Variants in LRRC7 observed in about 807,000 individuals in gnomAD.
LRRC7 encodes the protein leucine-rich repeat-containing protein 7.
LRRC7 carries 23 observed loss-of-function variants against 175.7 expected under a neutral mutation model. That is an observed-to-expected ratio of 0.13 (90% CI 0.09 to 0.19). The LOEUF is 0.19. Among genes scored for constraint, LRRC7 ranks in the 10% least tolerant of loss-of-function variants. The pLI, the probability that LRRC7 is intolerant of heterozygous loss-of-function variation, is 1.00. For missense variants in LRRC7, 1,354 were observed against 1,904.7 expected, an observed-to-expected ratio of 0.71 and a Z score of 5.38; for synonymous variants, 685 against 680.9, an observed-to-expected ratio of 1.01 and a Z score of -0.09.
chr1:69,678,315 A>G (rs1660048288), intron 1 of LRRC7, 66 bp from the exon 2 acceptor site: 4 of 1,173,486 alleles, frequency 3.4e-6, no homozygotes, highest in Middle Eastern at 2.0e-4. Context: ...ATTTTAGACC[A>G]TTTAACTTGT....
At chr1:69,922,961 T>A (rs1008625948) in intron 7 of LRRC7, among the ~76,000 whole-genome samples, 1 of 151,616 alleles carries the variant, frequency 6.6e-6, no homozygotes, top group African/African-American at 2.4e-5. Flanking sequence ...TCCCTATCCC[T>A]CCCCCCTCCT....
At chr1:70,092,720 G>C (rs1169172324) in intron 25 of LRRC7, among the ~76,000 whole-genome samples, 2 of 152,086 alleles carry the variant, frequency 1.3e-5, no homozygotes, top group African/African-American at 4.8e-5. Flanking sequence ...TGTTCGGTCT[G>C]GCAGACATTC....
intron 11 of LRRC7, among the ~76,000 whole-genome samples, chr1:69,996,492 G>A (rs1158060656): frequency 3.3e-5 from 5 of 151,536 alleles, no homozygotes; most frequent in Admixed American, 2.0e-4. Flanking sequence ...GTCCTGAATG[G>A]TAATGCCTAG....
Position 70,038,156 on chromosome 1 carries a change from C to A in LRRC7, c.2332C>A (p.Leu778Ile). 6.2e-7 allele frequency: 1 copy of A among 1,613,344 alleles called. No individual in the cohort carries two copies. Among genetic ancestry groups the A allele is most frequent in the Non-Finnish European group, 8.5e-7 (1 of 1,179,606 alleles). ...ACAGCCTCTTGATTCAAAGCCATTA[C>A]TCAGCCAGCGGGAGGCTGTTCCCCC... ...FPQPLDSKPL[L>I]SQREAVPPGN... The change falls in exon 21 of 27, where the codon CTC becomes ATC. Residue 778 changes from leucine (L) to isoleucine (I), a missense_variant. Physicochemically the swap from Leu to Ile is conservative, Grantham distance 5 (BLOSUM62 2). Around this residue, in one of 4 missense-constraint regions of LRRC7, gnomAD observed 1,032 missense variants for 1,227.2 expected, o/e 0.84. Transcript: ENST00000651989.
chr1:69,836,186 C>G (rs1681081070), intron 6 of LRRC7, among the ~76,000 whole-genome samples: 1 of 152,020 alleles, frequency 6.6e-6, no homozygotes, highest in African/African-American at 2.4e-5. Flanking sequence ...GTGACAGCCT[C>G]CATTTACATA....
chr1:69,909,197 C>A (rs1646433041), intron 7 of LRRC7, among the ~76,000 whole-genome samples: 2 of 152,092 alleles, frequency 1.3e-5, no homozygotes, highest in African/African-American at 4.8e-5. Context: ...GAATACAGCA[C>A]ACTGATGGGT....
intron 23 of LRRC7, among the ~76,000 whole-genome samples, chr1:70,058,734 T>C (rs1409693653): frequency 6.6e-6 from 1 of 152,232 alleles, no homozygotes; most frequent in Non-Finnish European, 1.5e-5. Context: ...CTCACCTGGG[T>C]AACTTATCAT....
At chr1:69,597,215 A>T (rs1477646787) in intron 1 of LRRC7, among the ~76,000 whole-genome samples, 1 of 152,102 alleles carries the variant, frequency 6.6e-6, no homozygotes, top group Non-Finnish European at 1.5e-5. Context: ...GTCTATATTC[A>T]TGGAGGGGAG....
rs552443934 is a variant in LRRC7 at position 69,741,112 on chromosome 1, A to G, written c.101-19079A>G. Among the ~76,000 whole-genome samples the G allele has an allele frequency of 2.6e-5, 4 of 152,014 alleles. No homozygotes were observed. In the South Asian group the frequency reaches 6.2e-4, roughly 24 times the overall value. ...AGTGGGTAAGGGAGTCATGTCAACA[A>G]TTTTACTACATGACATGGAAAGTGC... On this transcript the variant is annotated intron_variant, in intron 2 of 26. Transcript: ENST00000651989.
chr1:69,966,616 G>T (rs999233068), intron 8 of LRRC7, among the ~76,000 whole-genome samples: 1 of 152,212 alleles, frequency 6.6e-6, no homozygotes, highest in Admixed American at 6.5e-5. Flanking sequence ...GAAGCGGATT[G>T]CTCCTGCAGG....
chr1:69,868,416 G>A (rs1367890528), intron 7 of LRRC7, among the ~76,000 whole-genome samples: 1 of 152,028 alleles, frequency 6.6e-6, no homozygotes, highest in Non-Finnish European at 1.5e-5. Flanking sequence ...TAGGCTCTTG[G>A]AAAGATATTG....
At chr1:69,753,834 G>A (rs189755027) in intron 2 of LRRC7, among the ~76,000 whole-genome samples, 67 of 152,176 alleles carry the variant, frequency 4.4e-4, no homozygotes, top group South Asian at 4.4e-3. Context: ...GTGAATTACA[G>A]CATATGGTAA....
chr1:69,916,521 G>A (rs1283186860), intron 7 of LRRC7, among the ~76,000 whole-genome samples: 1 of 151,454 alleles, frequency 6.6e-6, no homozygotes, highest in African/African-American at 2.4e-5. Flanking sequence ...GTAAACTAAC[G>A]TATCCTCATT....
At chr1:69,821,904 T>C (rs1396055390) in intron 4 of LRRC7, among the ~76,000 whole-genome samples, 4 of 151,900 alleles carry the variant, frequency 2.6e-5, no homozygotes, top group East Asian at 3.9e-4. Context: ...AAAAAAAAAA[T>C]TGTGTTATTT....
intron 4 of LRRC7, among the ~76,000 whole-genome samples, chr1:69,794,229 TAGA>T (rs1451344052): frequency 6.6e-6 from 1 of 152,114 alleles, no homozygotes. Flanking sequence ...ACTTGCCACT[TAGA>T]AGGTTTTCAG....
chr1:69,661,619 T>C (rs1420537430), intron 1 of LRRC7, among the ~76,000 whole-genome samples: 1 of 152,138 alleles, frequency 6.6e-6, no homozygotes, highest in Non-Finnish European at 1.5e-5. Context: ...AAGCCCCAGA[T>C]CTAGTGACTA....
At chr1:69,665,947 C>T (rs965896920) in intron 1 of LRRC7, among the ~76,000 whole-genome samples, 2 of 151,940 alleles carry the variant, frequency 1.3e-5, no homozygotes, top group African/African-American at 4.8e-5. Context: ...AAGTATGATA[C>T]TAGCTGTGGA....
At chr1:69,605,001 C>A (rs576676742) in intron 1 of LRRC7, among the ~76,000 whole-genome samples, 2 of 152,230 alleles carry the variant, frequency 1.3e-5, no homozygotes, top group Admixed American at 1.3e-4. Flanking sequence ...ATTGACTAGG[C>A]TGGCTGGATA....
At position 70,142,044 on chromosome 1, in the gene LRRC7, C is replaced by T. The variant is rs1667082014; in HGVS notation, c.*20157C>T. 1 of 152,038 alleles carries T rather than the reference C, an allele frequency of 6.6e-6. No individual in the cohort carries two copies. The highest frequency in any genetic ancestry group is 2.4e-5 in the African/African-American group (1 of 41,398). 9.4% of individuals were successfully genotyped at this position (152,038 alleles called of 1,614,324 possible). ...TACTAAAGAATATTTCTTATTTAGT[C>T]AGGAAATCTTATGTAATATTTTTGG... On this transcript the variant is annotated 3_prime_UTR_variant, in exon 27 of 27. Transcript: ENST00000651989.
Sources: gnomAD v4.1 joint callset for allele counts (sites outside exome capture counted in the v4.1 genomes callset) on GRCh38, gnomAD v4.1.1 for gene constraint, gnomAD v4.1.1 regional missense constraint, MANE v1.5 for transcripts, NCBI Gene and HGNC (gene_info 2026-07-23, HGNC 2026-07-21) for gene names.